ACAN: variants seen among roughly 807,000 people sequenced by gnomAD.
ACAN encodes aggrecan.
A neutral mutation model predicts 169.1 loss-of-function variants in ACAN; 47 were observed. The observed-to-expected ratio is 0.28, with a 90% confidence interval of 0.22 to 0.35. The LOEUF (loss-of-function observed/expected upper bound fraction) is 0.35. Ranked by LOEUF, ACAN falls within the 10% of genes least tolerant of loss-of-function variation. ACAN has a pLI of 1.00. For synonymous variants in ACAN, 1,115 were observed against 1,112.2 expected (o/e 1.00, Z -0.05); for missense variants, 2,716 against 2,759.9 (o/e 0.98, Z 0.36).
chr15:88,874,168 T>C lies in ACAN; in HGVS notation c.7630+144T>C. ...GGTCGGGGGGCTGCTCAGTCACAAA[T>C]AGCTGACCACTGCCCTTAGAAGGGC... is the stretch of plus-strand genomic sequence containing the variant. On this transcript the variant is annotated intron_variant, in intron 18 of 18. Transcript: ENST00000560601. This position sits in a 1 kb window ranked among gnomAD's most constrained non-coding sequence, Gnocchi z 7.3. The C allele has an allele frequency of 8.4e-7, 1 of 1,196,530 alleles. No individual in the cohort carries two copies. Among genetic ancestry groups the C allele is most frequent in the Non-Finnish European group, 1.2e-6 (1 of 839,162 alleles). 74.1% of individuals were successfully genotyped at this position (1,196,530 alleles called of 1,614,324 possible).
intron 1 of ACAN, among the ~76,000 whole-genome samples, chr15:88,824,667 T>TC (rs1335044875): frequency 1.3e-5 from 2 of 152,140 alleles, no homozygotes; most frequent in Non-Finnish European, 2.9e-5. Flanking sequence ...TTACCTGAGG[T>TC]CAGGAGTTCA....
intron 13 of ACAN, among the ~76,000 whole-genome samples, chr15:88,864,881 A>C (rs1356201823): frequency 6.6e-6 from 1 of 152,162 alleles, no homozygotes; most frequent in African/African-American, 2.4e-5. Context: ...ATGAGTGGCA[A>C]CCCTTTTAGT....
At chr15:88,811,276 C>T (rs1895813908) in intron 1 of ACAN, among the ~76,000 whole-genome samples, 1 of 152,172 alleles carries the variant, frequency 6.6e-6, no homozygotes, top group African/African-American at 2.4e-5. Flanking sequence ...CTGAATTTGA[C>T]CGTGAAGCTT....
Position 88,874,744 on chromosome 15 carries a change from A to G in ACAN, c.*263A>G, listed in dbSNP as rs981227339. ...GACTGAGTTTAGAGACATTTCTTCA[A>G]TTTCCCATCGTGCCTTTCCAGGGAC... On this transcript the variant is annotated 3_prime_UTR_variant, in exon 19 of 19. Coordinates refer to ENST00000560601, the MANE Select transcript of ACAN (RefSeq NM_001369268.1). The surrounding 1 kb of genome is among the most constrained non-coding windows in gnomAD (Gnocchi z 7.3). 20 of 528,666 alleles carry G rather than the reference A, an allele frequency of 3.8e-5. No homozygotes were observed. Among genetic ancestry groups the G allele is most frequent in the Non-Finnish European group, 7.0e-6 (2 of 284,878 alleles). The allele number at this position is 528,666 out of a possible 1,614,324, so 32.7% of individuals were successfully genotyped here.
intron 1 of ACAN, among the ~76,000 whole-genome samples, chr15:88,831,177 C>A (rs1052022707): frequency 6.6e-6 from 1 of 152,234 alleles, no homozygotes; most frequent in Non-Finnish European, 1.5e-5. Flanking sequence ...GGACTCTGGC[C>A]GGCTGGTGCC....
At chr15:88,818,046 G>C (rs1895986059) in intron 1 of ACAN, among the ~76,000 whole-genome samples, 1 of 152,112 alleles carries the variant, frequency 6.6e-6, no homozygotes, top group African/African-American at 2.4e-5. Context: ...TACTTTTTGT[G>C]CTTAATGATA....
At chr15:88,830,311 A>G (rs1896327780) in intron 1 of ACAN, among the ~76,000 whole-genome samples, 1 of 152,186 alleles carries the variant, frequency 6.6e-6, no homozygotes, top group Non-Finnish European at 1.5e-5. Context: ...TTCTTTATTT[A>G]CTATTATAGT....
At position 88,813,614 on chromosome 15, in the gene ACAN, C is replaced by T. The variant is rs530098815; in HGVS notation, c.-8+9805C>T. Among the ~76,000 whole-genome samples the T allele has an allele frequency of 7.2e-5, 11 of 152,328 alleles. No homozygotes were observed. The South Asian group carries it at 8.3e-4, about 11-fold the overall frequency. ...AATAAATGTATAGTTTTAGGTGCTA[C>T]CACCTTTGGGGCCTTATCACTACTG... On this transcript the variant is annotated intron_variant, in intron 1 of 18. Coordinates refer to ENST00000560601, the MANE Select transcript of ACAN (RefSeq NM_001369268.1).
chr15:88,872,219 G>T lies in ACAN; in HGVS notation c.7302+134G>T. The T allele has an allele frequency of 1.4e-6, 1 of 736,488 alleles. No individual in the cohort carries two copies. The highest frequency in any genetic ancestry group is 2.7e-5 in the East Asian group (1 of 36,482). The allele number at this position is 736,488 out of a possible 1,614,324, so 45.6% of individuals were successfully genotyped here. A position where few individuals can be genotyped will look rare whatever the true frequency, so the allele number is the denominator to read the frequency against. ...CTGGACCGGGAACCCTTGAGGGCAGGGATTATCTCCTTCATCTCTGCCTCT... is the reference window on the plus strand; with the variant it reads ...CTGGACCGGGAACCCTTGAGGGCAGTGATTATCTCCTTCATCTCTGCCTCT... On this transcript the variant is annotated intron_variant, in intron 16 of 18. Coordinates refer to ENST00000560601, the MANE Select transcript of ACAN (RefSeq NM_001369268.1). The surrounding 1 kb of genome is among the most constrained non-coding windows in gnomAD (Gnocchi z 5.4).
intron 7 of ACAN, among the ~76,000 whole-genome samples, chr15:88,846,852 C>A (rs62023499): frequency 1.5e-4 from 23 of 152,154 alleles, no homozygotes; most frequent in South Asian, 8.3e-4. Context: ...CCCACAAAGC[C>A]TAAAATATTT....
rs550565311 is a variant in ACAN, at chr15:88,839,696, T to A, written c.455-316T>A. Among the ~76,000 whole-genome samples the A allele has an allele frequency of 3.9e-5, 6 of 152,332 alleles. No individual in the cohort carries two copies. The South Asian group carries it at 1.2e-3, about 32-fold the overall frequency. On this transcript the variant is annotated intron_variant, in intron 3 of 18. Transcript: ENST00000560601. The surrounding 1 kb of genome is among the most constrained non-coding windows in gnomAD (Gnocchi z 4.5). The stretch of plus-strand genomic sequence containing the variant: ...TGAGTGTCTGTTTCTCTTAATGCAA[T>A]ATGGGGGTCTTGGAGTGATAAGAAA...
In ACAN at chr15:88,868,379, C is replaced by T; in HGVS notation, c.7060+50C>T. The T allele has an allele frequency of 1.4e-6, 1 of 690,392 alleles. No homozygotes were observed. The allele number at this position is 690,392 out of a possible 1,614,324, so 42.8% of individuals were successfully genotyped here. ...ATGTTACTAACTGCTGCACCCCCTCCTCCTCCCTCACCTTTCCCTCCTAAC... is the reference window on the plus strand; with the variant it reads ...ATGTTACTAACTGCTGCACCCCCTCTTCCTCCCTCACCTTTCCCTCCTAAC... On this transcript the variant is annotated intron_variant, in intron 14 of 18. Coordinates refer to ENST00000560601, the MANE Select transcript of ACAN (RefSeq NM_001369268.1). This position sits in a 1 kb window ranked among gnomAD's most constrained non-coding sequence, Gnocchi z 5.2.
In ACAN at chr15:88,871,630, C is replaced by G. The variant is rs956425610; in HGVS notation, c.7219+90C>G. The G allele has an allele frequency of 1.4e-6, 2 of 1,466,270 alleles. No individual in the cohort carries two copies. Among genetic ancestry groups the G allele is most frequent in the Non-Finnish European group, 1.8e-6 (2 of 1,096,186 alleles). The allele number at this position is 1,466,270 out of a possible 1,614,324, so 90.8% of individuals were successfully genotyped here. A position where few individuals can be genotyped will look rare whatever the true frequency, so the allele number is the denominator to read the frequency against. ...TTCAGAAGGCAGCAGATTTGGGCCT[C>G]GTGAGACTGCAGGACAGGGACCTGG... is the stretch of plus-strand genomic sequence containing the variant. On this transcript the variant is annotated intron_variant, in intron 15 of 18. Transcript: ENST00000560601. This position sits in a 1 kb window ranked among gnomAD's most constrained non-coding sequence, Gnocchi z 7.8.
In ACAN at chr15:88,843,149, C is replaced by G. The variant is rs529862560; in HGVS notation, c.758-206C>G. 3.9e-5 allele frequency among the ~76,000 whole-genome samples: 6 copies of G among 152,282 alleles called. No individual in the cohort carries two copies. The highest frequency in any genetic ancestry group is 1.9e-4 in the East Asian group (1 of 5,182). On this transcript the variant is annotated intron_variant, in intron 5 of 18. Transcript: ENST00000560601. This position sits in a 1 kb window ranked among gnomAD's most constrained non-coding sequence, Gnocchi z 4.0. ...CTTTTGCTGCTTCTTTCTTGGTCCC[C>G]TTGTTTTAGGAAATTGATGTCATCC...
At chr15:88,841,707 G>T in intron 4 of ACAN, 33 bp from the exon 5 acceptor site, 2 of 1,613,260 alleles carry the variant, frequency 1.2e-6, no homozygotes, top group South Asian at 2.2e-5. Flanking sequence ...TTTGTCCCCT[G>T]AGTGTCACAC....
chr15:88,859,745 G>A (rs1259788223), intron 12 of ACAN, among the ~76,000 whole-genome samples: 2 of 152,248 alleles, frequency 1.3e-5, no homozygotes, highest in African/African-American at 4.8e-5. Context: ...TTTTACACGT[G>A]AATTCAACTA....
rs144379334 is a variant in ACAN at position 88,847,485 on chromosome 15, A to C, written c.1604+68A>C. Reference sequence around the variant, plus strand: ...GTCAGGCTTAAGGAGCCACAGCCTGACACCGCCCCCAGCACACTGAGCACC... The same window carrying C: ...GTCAGGCTTAAGGAGCCACAGCCTGCCACCGCCCCCAGCACACTGAGCACC... On this transcript the variant is annotated intron_variant, in intron 8 of 18. Transcript: ENST00000560601. The C allele has an allele frequency of 1.0e-3, 1,490 of 1,452,408 alleles. 11 individuals are homozygous for C. The African/African-American group carries it at 0.017, about 17-fold the overall frequency. The allele number at this position is 1,452,408 out of a possible 1,614,324, so 90.0% of individuals were successfully genotyped here. A position where few individuals can be genotyped will look rare whatever the true frequency, so the allele number is the denominator to read the frequency against.
chr15:88,824,795 C>T (rs59128052), intron 1 of ACAN, among the ~76,000 whole-genome samples: 7,774 of 152,020 alleles, frequency 0.051, 248 homozygotes, highest in African/African-American at 0.086. Flanking sequence ...AGGAGAATTG[C>T]TTGAGCCCGG....
At chr15:88,841,162 T>G (rs4932435) in intron 4 of ACAN, among the ~76,000 whole-genome samples, 101,586 of 152,100 alleles carry the variant, frequency 0.67, 34,490 homozygotes, top group African/African-American at 0.8. Context: ...AAAAGAACTG[T>G]ACTCAAATTC....
Sources: allele counts gnomAD v4.1 joint callset (sites outside exome capture counted in the v4.1 genomes callset), GRCh38; gene constraint gnomAD v4.1.1; non-coding constraint Gnocchi (gnomAD v3.1); transcripts MANE v1.5; gene names NCBI Gene and HGNC (gene_info 2026-07-23, HGNC 2026-07-21).